Variants in FERMT2 observed in about 807,000 individuals in gnomAD.
FERMT2 encodes the protein FERM domain containing kindlin 2, also known as fermitin family homolog 2.
In FERMT2, 15 loss-of-function variants were observed where a neutral mutation model predicts 82.7. That is an observed-to-expected ratio of 0.18 (90% CI 0.12 to 0.28). FERMT2 has a LOEUF of 0.28. Ranked by LOEUF, FERMT2 falls within the 10% of genes least tolerant of loss-of-function variation. The pLI, the probability that FERMT2 is intolerant of heterozygous loss-of-function variation, is 1.00. For missense variants in FERMT2, 645 were observed against 809.4 expected (o/e 0.80, Z 2.46); for synonymous variants, 274 against 271.5 (o/e 1.01, Z -0.09).
chr14:52,864,976 G>A, intron 10 of FERMT2, 123 bp from the exon 11 acceptor site: 1 of 641,816 alleles, frequency 1.6e-6, no homozygotes, highest in South Asian at 1.9e-5. Flanking sequence ...TTTTATGAAG[G>A]CATCTGCTGC....
chr14:52,949,964 C>A (rs548294059), intron 2 of FERMT2, among the ~76,000 whole-genome samples: 7 of 152,258 alleles, frequency 4.6e-5, no homozygotes, highest in Non-Finnish European at 1.0e-4. Context: ...GCACATTTTC[C>A]AGCACAGATT....
At chr14:52,881,725 A>T in intron 4 of FERMT2, 1 of 1,299,966 alleles carries the variant, frequency 7.7e-7, no homozygotes, top group South Asian at 1.3e-5. Context: ...GTTCAAGAGA[A>T]TTAGAAAATA....
chr14:52,950,344 T>G, intron 2 of FERMT2, 68 bp downstream of exon 2: 1 of 1,512,434 alleles, frequency 6.6e-7, no homozygotes, highest in Non-Finnish European at 9.1e-7. Flanking sequence ...TCCCCCGTCG[T>G]GAGCCTCTTT....
Position 52,860,812 on chromosome 14 carries a change from CTA to C in FERMT2, c.1603-349_1603-348del, listed in dbSNP as rs1884883617. 9.8e-6 allele frequency: 6 copies of C among 611,944 alleles called. No homozygotes were observed. In the East Asian group the frequency reaches 1.8e-4, roughly 18 times the overall value. The allele number at this position is 611,944 out of a possible 1,614,324, so 37.9% of individuals were successfully genotyped here. On this transcript the variant is annotated intron_variant, in intron 12 of 14. Coordinates refer to ENST00000341590, the MANE Select transcript of FERMT2 (RefSeq NM_006832.3). ...ACACGAGTTTTAATTAAATTTAGCA[CTA>C]TGTCTATAATCAGAATGAATACCTG...
chr14:52,941,669 T>G (rs1019141921), intron 2 of FERMT2, among the ~76,000 whole-genome samples: 6 of 152,196 alleles, frequency 3.9e-5, no homozygotes, highest in Admixed American at 1.3e-4. Context: ...AAGCATTAAT[T>G]TGTCAGTAAA....
intron 4 of FERMT2, among the ~76,000 whole-genome samples, chr14:52,882,852 T>C (rs1324323285): frequency 6.6e-6 from 1 of 152,158 alleles, no homozygotes; most frequent in Non-Finnish European, 1.5e-5. Flanking sequence ...CACAGGATAT[T>C]TGATTTTATG....
In FERMT2 at chr14:52,903,605, T is replaced by C. The variant is rs1026610919; in HGVS notation, c.392-10178A>G. Among the ~76,000 whole-genome samples, 5 of 151,496 alleles carry C rather than the reference T, an allele frequency of 3.3e-5. No homozygotes were observed. The East Asian group carries it at 7.7e-4, about 23-fold the overall frequency. The stretch of plus-strand genomic sequence containing the variant: ...ACTACCAGGACTATTAATAGCAACA[T>C]TGGAAGCCAAAAGATAATTTAACAA... On this transcript the variant is annotated intron_variant, in intron 3 of 14. Coordinates refer to ENST00000341590, the MANE Select transcript of FERMT2 (RefSeq NM_006832.3).
intron 13 of FERMT2, chr14:52,860,007 C>T: frequency 3.8e-6 from 1 of 264,808 alleles, no homozygotes; most frequent in Non-Finnish European, 7.1e-6. Context: ...TTAGTAGAGA[C>T]AGGGTTTCAC....
intron 10 of FERMT2, among the ~76,000 whole-genome samples, chr14:52,868,043 G>A (rs111450109): frequency 0.023 from 3,569 of 152,134 alleles, 141 homozygotes; most frequent in African/African-American, 0.082. Flanking sequence ...TCAGTGACAC[G>A]TCACTGCTGC....
At chr14:52,903,264 A>C (rs1887784298) in intron 3 of FERMT2, among the ~76,000 whole-genome samples, 1 of 152,184 alleles carries the variant, frequency 6.6e-6, no homozygotes. Context: ...GAGGCCAGGC[A>C]TGGTGACTCA....
chr14:52,920,814 T>C (rs1159280042), intron 2 of FERMT2, among the ~76,000 whole-genome samples: 1 of 152,110 alleles, frequency 6.6e-6, no homozygotes, highest in Non-Finnish European at 1.5e-5. Context: ...GCATGGTACA[T>C]GTGCCTGTAG....
At chr14:52,894,452 C>T (rs753454803) in intron 3 of FERMT2, among the ~76,000 whole-genome samples, 3 of 152,008 alleles carry the variant, frequency 2.0e-5, no homozygotes, top group Non-Finnish European at 2.9e-5. Flanking sequence ...GAGAACAATC[C>T]TAGAATAGTC....
At chr14:52,908,630 A>ATGGT (rs1228355692) in intron 3 of FERMT2, among the ~76,000 whole-genome samples, 1 of 152,182 alleles carries the variant, frequency 6.6e-6, no homozygotes, top group Admixed American at 6.5e-5. Flanking sequence ...GGGCAGATAA[A>ATGGT]TGGTTGGCAG....
chr14:52,941,441 A>G (rs1204100704), intron 2 of FERMT2, among the ~76,000 whole-genome samples: 1 of 152,174 alleles, frequency 6.6e-6, no homozygotes, highest in Admixed American at 6.5e-5. Context: ...GCCTGACACT[A>G]AGAAAAAAAA....
At chr14:52,886,534 G>C (rs1031421563) in intron 4 of FERMT2, among the ~76,000 whole-genome samples, 1 of 152,020 alleles carries the variant, frequency 6.6e-6, no homozygotes, top group Non-Finnish European at 1.5e-5. Context: ...TACCACCTAG[G>C]TAGAAAAACA....
intron 3 of FERMT2, among the ~76,000 whole-genome samples, chr14:52,906,011 G>C (rs1887987597): frequency 6.6e-6 from 1 of 152,146 alleles, no homozygotes; most frequent in Non-Finnish European, 1.5e-5. Context: ...AAAAGAAAAA[G>C]AAACACTTTC....
intron 2 of FERMT2, among the ~76,000 whole-genome samples, chr14:52,926,411 AACAC>A (rs34726532): frequency 0.043 from 6,321 of 146,978 alleles, 271 homozygotes; most frequent in African/African-American, 0.12. Context: ...GACCAAGTGC[AACAC>A]ACACACACAC....
chr14:52,899,615 G>A (rs1199166422), intron 3 of FERMT2, among the ~76,000 whole-genome samples: 1 of 152,156 alleles, frequency 6.6e-6, no homozygotes, highest in African/African-American at 2.4e-5. Context: ...TTTAGGGAAG[G>A]GAGAGAATGA....
chr14:52,950,773 C>G (rs1045587077), intron 1 of FERMT2, 148 bp downstream of exon 1: 3 of 511,830 alleles, frequency 5.9e-6, no homozygotes, highest in Non-Finnish European at 1.0e-5. Context: ...GTTCCTCGGT[C>G]CCGGCGCCGC....
Sources: gnomAD v4.1 joint callset for allele counts (sites outside exome capture counted in the v4.1 genomes callset) on GRCh38, gnomAD v4.1.1 for gene constraint, MANE v1.5 for transcripts, NCBI Gene and HGNC (gene_info 2026-07-23, HGNC 2026-07-21) for gene names.